PGA5: variants seen among roughly 807,000 people sequenced by gnomAD.
PGA5 encodes pepsinogen A5.
A neutral mutation model predicts 15.9 loss-of-function variants in PGA5; 19 were observed. The observed-to-expected ratio is 1.19, with a 90% CI of 0.83 to 1.75. The LOEUF (loss-of-function observed/expected upper bound fraction) is 1.75. Among genes scored for constraint, PGA5 ranks in the 40% most tolerant of loss-of-function variants. The pLI, the probability that PGA5 is intolerant of heterozygous loss-of-function variation, is 0.00. For synonymous variants in PGA5, 92 were observed against 95.8 expected, an observed-to-expected ratio of 0.96 and a Z score of 0.23; for missense variants, 224 against 246.4, an observed-to-expected ratio of 0.91 and a Z score of 0.61.
chr11:61,246,118 A>C lies in PGA5; in HGVS notation c.629A>C (p.Gln210Pro). The change falls in exon 5 of 9, where the codon CAG becomes CCG. Residue 210 changes from glutamine (Q) to proline (P), a missense_variant. Gln to Pro is a moderately conservative substitution (Grantham distance 76). Coordinates refer to ENST00000312403, the MANE Select transcript of PGA5 (RefSeq NM_014224.5). ...ATCTGGAACCAGGGCCTGGTTTCTC[A>C]GGACCTCTTCTCTGTCTACCTCAGC... is the stretch of plus-strand genomic sequence containing the variant. ...DNIWNQGLVSQDLFSVYLSAD... is the reference protein window; with the variant it reads ...DNIWNQGLVSPDLFSVYLSAD... The C allele has an allele frequency of 2.4e-6, 1 of 423,074 alleles. No homozygotes were observed. Among genetic ancestry groups the C allele is most frequent in the South Asian group, 2.2e-5 (1 of 45,866 alleles). 26.2% of individuals were successfully genotyped at this position (423,074 alleles called of 1,614,324 possible).
chr11:61,249,779 G>A lies in PGA5; in HGVS notation c.884G>A (p.Ser295Asn), dbSNP rs199890628. 1.8e-5 allele frequency: 29 copies of A among 1,613,524 alleles called. No individual in the cohort carries two copies. The highest frequency in any genetic ancestry group is 2.5e-6 in the Non-Finnish European group (3 of 1,179,864). ...ACCAGCCCCATTGCCAACATCCAGA[G>A]CGACATCGGAGCCAGCGAGAACTCA... is the stretch of plus-strand genomic sequence containing the variant. The part of the protein sequence containing the change: ...GPTSPIANIQ[S>N]DIGASENSDG... The change falls in exon 7 of 9, where the codon AGC becomes AAC. Residue 295 changes from serine to asparagine, a missense_variant. Coordinates refer to ENST00000312403, the MANE Select transcript of PGA5 (RefSeq NM_014224.5).
rs765761395 is a variant in PGA5 at position 61,250,002 on chromosome 11, C to T, written c.1005C>T (p.Ala335=). The change falls in exon 8 of 9, where the codon GCC becomes GCT. Residue 335 remains alanine (A), a synonymous_variant. Transcript: ENST00000312403. The part of the protein sequence containing the change: ...NGVQYPVPPS[A]YILQSEGSCI... ...TCCAGTACCCCGTGCCACCCAGTGC[C>T]TACATCCTGCAGGTGAGGAGGCTCT... 3.7e-6 allele frequency: 6 copies of T among 1,609,916 alleles called. No individual in the cohort carries two copies. The highest frequency in any genetic ancestry group is 5.1e-6 in the Non-Finnish European group (6 of 1,178,652).
At position 61,247,268 on chromosome 11, in the gene PGA5, G is replaced by T. The variant is rs1014122287; in HGVS notation, c.656+1123G>T. Among the ~76,000 whole-genome samples the T allele has an allele frequency of 2.6e-5, 4 of 151,248 alleles. No homozygotes were observed. The South Asian group carries it at 6.3e-4, about 24-fold the overall frequency. On this transcript the variant is annotated intron_variant, in intron 5 of 8. Coordinates refer to ENST00000312403, the MANE Select transcript of PGA5 (RefSeq NM_014224.5). ...CATGTTTTAGAAATGGCCAGTTCTC[G>T]GATGATTAATTTCTTTTTTTTTTTT...
intron 7 of PGA5, 27 bp downstream of exon 7, chr11:61,249,840 C>G: frequency 1.2e-6 from 2 of 1,613,738 alleles, no homozygotes; most frequent in South Asian, 1.1e-5. Context: ...CTGCCCTGTT[C>G]TACACTCAAG....
intron 5 of PGA5, 28 bp downstream of exon 5, chr11:61,246,173 C>A: frequency 2.9e-6 from 1 of 343,258 alleles, no homozygotes; most frequent in Non-Finnish European, 5.3e-6. Context: ...GGGCCTCCTC[C>A]CACCTCCCCC....
At chr11:61,246,945 G>C (rs759959144) in intron 5 of PGA5, among the ~76,000 whole-genome samples, 3 of 151,998 alleles carry the variant, frequency 2.0e-5, no homozygotes, top group South Asian at 2.1e-4. Flanking sequence ...ATTTGTGACC[G>C]GGGGCTAATT....
At chr11:61,250,894 G>A (rs1222316041) in intron 8 of PGA5, among the ~76,000 whole-genome samples, 1 of 151,906 alleles carries the variant, frequency 6.6e-6, no homozygotes, top group Non-Finnish European at 1.5e-5. Context: ...GTCAGGGTTC[G>A]TGTGCCTGCC....
intron 6 of PGA5, 107 bp from the exon 7 acceptor site, chr11:61,249,562 G>T (rs1854109776): frequency 1.3e-6 from 2 of 1,590,526 alleles, no homozygotes; most frequent in Non-Finnish European, 1.7e-6. Flanking sequence ...TTCACGCATT[G>T]GCCAATGGAT....
Position 61,251,200 on chromosome 11 carries a change from C to G in PGA5, c.1086C>G (p.Ile362Met). Reference sequence around the variant, plus strand: ...CCACCGAATCTGGAGAGCTTTGGATCCTGGGTGATGTCTTCATCCGCCAGT... The same window carrying G: ...CCACCGAATCTGGAGAGCTTTGGATGCTGGGTGATGTCTTCATCCGCCAGT... ...NVPTESGELW[I>M]LGDVFIRQYF... The change falls in exon 9 of 9, where the codon ATC becomes ATG. Residue 362 changes from isoleucine (I) to methionine (M), a missense_variant. Coordinates refer to ENST00000312403, the MANE Select transcript of PGA5 (RefSeq NM_014224.5). 1 of 1,611,882 alleles carries G rather than the reference C, an allele frequency of 6.2e-7. No individual in the cohort carries two copies.
chr11:61,250,810 G>GCT lies in PGA5; in HGVS notation c.1018-322_1018-321insCT, dbSNP rs1431953971. On this transcript the variant is annotated intron_variant, in intron 8 of 8. Transcript: ENST00000312403. ...GAGATAAGAATAATAATGAGAAAAG[G>GCT]ATGTAGTGGCAGGGTTTTTAAACTC... is the stretch of plus-strand genomic sequence containing the variant. 3.4e-3 allele frequency: 2,013 copies of GCT among 585,168 alleles called. 30 individuals carry two copies. The highest frequency in any genetic ancestry group is 0.018 in the South Asian group (1,197 of 65,624). 36.2% of individuals were successfully genotyped at this position (585,168 alleles called of 1,614,324 possible).
intron 8 of PGA5, among the ~76,000 whole-genome samples, chr11:61,250,345 C>T (rs1472595767): frequency 2.6e-5 from 4 of 151,388 alleles, no homozygotes; most frequent in Admixed American, 6.6e-5. Flanking sequence ...CCTCAGTTTT[C>T]GCATCCAAAA....
rs762341584 is a variant in PGA5 at position 61,251,153 on chromosome 11, G to A, written c.1039G>A (p.Gly347Ser). The A allele has an allele frequency of 6.2e-7, 1 of 1,611,790 alleles. No homozygotes were observed. Among genetic ancestry groups the A allele is most frequent in the Non-Finnish European group, 8.5e-7 (1 of 1,179,850 alleles). ...ILQSEGSCISGFQGMNVPTES... is the reference protein window; with the variant it reads ...ILQSEGSCISSFQGMNVPTES... ...CCAGAGCGAGGGGAGCTGCATCAGT[G>A]GCTTCCAGGGCATGAACGTCCCCAC... Residue 347 changes from glycine (G) to serine (S), a missense_variant, in exon 9 of 9, where the codon GGC becomes AGC. Gly to Ser is a moderately conservative substitution (Grantham distance 56). Transcript: ENST00000312403.
chr11:61,247,656 T>C lies in PGA5; in HGVS notation c.657-763T>C, dbSNP rs575995938. Reference sequence around the variant, plus strand: ...ACTGCAGAGATTTAGAAAATGAATATTGCAATAACAAGGACTCCTGCAATT... The same window carrying C: ...ACTGCAGAGATTTAGAAAATGAATACTGCAATAACAAGGACTCCTGCAATT... On this transcript the variant is annotated intron_variant, in intron 5 of 8. Transcript: ENST00000312403. Among the ~76,000 whole-genome samples, 8 of 152,172 alleles carry C rather than the reference T, an allele frequency of 5.3e-5. 2 individuals carry two copies. The highest frequency in any genetic ancestry group is 1.7e-4 in the African/African-American group (7 of 41,432).
intron 5 of PGA5, among the ~76,000 whole-genome samples, chr11:61,247,015 G>T (rs1041033257): frequency 1.3e-5 from 2 of 152,026 alleles, no homozygotes; most frequent in Non-Finnish European, 2.9e-5. Flanking sequence ...TAAACCAAAT[G>T]TCAGTTTGGG....
In PGA5 at chr11:61,249,466, G is replaced by A. The variant is rs1854108141; in HGVS notation, c.774-203G>A. On this transcript the variant is annotated intron_variant, in intron 6 of 8. Coordinates refer to ENST00000312403, the MANE Select transcript of PGA5 (RefSeq NM_014224.5). ...TCTTGTTTCGCTTGGCGTTTCCCAT[G>A]CCTGGCAGAGGGTAGGCACTTGGGA... The A allele has an allele frequency of 5.7e-6, 6 of 1,045,036 alleles. No individual in the cohort carries two copies. The East Asian group carries it at 1.3e-4, about 23-fold the overall frequency. The allele number at this position is 1,045,036 out of a possible 1,614,324, so 64.7% of individuals were successfully genotyped here. A position where few individuals can be genotyped will look rare whatever the true frequency, so the allele number is the denominator to read the frequency against.
At chr11:61,246,714 A>T (rs1590590921) in intron 5 of PGA5, among the ~76,000 whole-genome samples, 1 of 151,920 alleles carries the variant, frequency 6.6e-6, no homozygotes. Flanking sequence ...CAGTGAACAA[A>T]GATTGTACCA....
chr11:61,249,706 G>A lies in PGA5; in HGVS notation c.811G>A (p.Gly271Ser). 6 of 1,613,444 alleles carry A rather than the reference G, an allele frequency of 3.7e-6. No individual in the cohort carries two copies. Among genetic ancestry groups the A allele is most frequent in the Non-Finnish European group, 5.1e-6 (6 of 1,179,842 alleles). ...CGGAGAGACCATCGCCTGTGCTGAG[G>A]GCTGCCAGGCCATTGTTGACACCGG... ...MNGETIACAE[G>S]CQAIVDTGTS... Residue 271 changes from glycine to serine, a missense_variant, in exon 7 of 9, where the codon GGC becomes AGC. Physicochemically the swap from Gly to Ser is moderately conservative, Grantham distance 56 (BLOSUM62 0). Coordinates refer to ENST00000312403, the MANE Select transcript of PGA5 (RefSeq NM_014224.5).
chr11:61,248,828 G>T (rs1205468949), intron 6 of PGA5, among the ~76,000 whole-genome samples: 2 of 152,106 alleles, frequency 1.3e-5, no homozygotes, highest in Non-Finnish European at 2.9e-5. Flanking sequence ...GAGAGCTGGG[G>T]GACCCACCTG....
At chr11:61,250,506 C>T (rs1454717800) in intron 8 of PGA5, among the ~76,000 whole-genome samples, 1 of 151,440 alleles carries the variant, frequency 6.6e-6, no homozygotes, top group African/African-American at 2.4e-5. Context: ...TACCAAGTAG[C>T]AAATCTTTAG....
Sources: gnomAD v4.1 joint callset for allele counts (sites outside exome capture counted in the v4.1 genomes callset) on GRCh38, gnomAD v4.1.1 for gene constraint, MANE v1.5 for transcripts, NCBI Gene and HGNC (gene_info 2026-07-23, HGNC 2026-07-21) for gene names.